FRMD5: variants seen among roughly 807,000 people sequenced by gnomAD.
The protein encoded by FRMD5 is FERM domain containing 5.
FRMD5 carries 20 observed loss-of-function variants against 69.0 expected under a neutral mutation model. The ratio of observed to expected loss-of-function variants is 0.29; its 90% CI spans 0.20 to 0.42. FRMD5 has a LOEUF of 0.42. Ranked by LOEUF, FRMD5 falls within the 10% of genes least tolerant of loss-of-function variation. The pLI, the probability that FRMD5 is intolerant of heterozygous loss-of-function variation, is 1.00. For synonymous variants in FRMD5, 271 were observed against 260.1 expected (o/e 1.04, Z -0.40); for missense variants, 595 against 708.6 (o/e 0.84, Z 1.82).
intron 5 of FRMD5, 43 bp downstream of exon 5, chr15:43,909,839 T>C: frequency 8.7e-7 from 1 of 1,154,116 alleles, no homozygotes; most frequent in Non-Finnish European, 1.3e-6. Flanking sequence ...ATGTAATCAG[T>C]ACTTGGCATG....
At chr15:43,880,872 T>C (rs376950030) in intron 13 of FRMD5, among the ~76,000 whole-genome samples, 3 of 152,186 alleles carry the variant, frequency 2.0e-5, no homozygotes, top group Non-Finnish European at 4.4e-5. Context: ...GGGGAATAGT[T>C]TGGACAAGGA....
intron 1 of FRMD5, among the ~76,000 whole-genome samples, chr15:44,111,631 C>T (rs2076797272): frequency 6.6e-6 from 1 of 152,134 alleles, no homozygotes; most frequent in Non-Finnish European, 1.5e-5. Flanking sequence ...TCTTAATCAC[C>T]CAATCGGAAC....
intron 1 of FRMD5, among the ~76,000 whole-genome samples, chr15:44,109,483 TG>T (rs199734566): frequency 1.4e-4 from 21 of 152,058 alleles, no homozygotes; most frequent in Non-Finnish European, 2.8e-4. Context: ...TAATAAATTT[TG>T]TTTTTTTTAA....
At position 44,069,347 on chromosome 15, in the gene FRMD5, A is replaced by C. The variant is rs1893435752; in HGVS notation, c.102+125606T>G. 2.6e-5 allele frequency among the ~76,000 whole-genome samples: 4 copies of C among 152,324 alleles called. No homozygotes were observed. In the South Asian group the frequency reaches 8.3e-4, roughly 32 times the overall value. On this transcript the variant is annotated intron_variant, in intron 1 of 13. Coordinates refer to ENST00000417257, the MANE Select transcript of FRMD5 (RefSeq NM_032892.5). ...TAGGCATTTATCCCAAAGAAATGAAAACCTATGCTCACACAAAAACCTTTA... is the reference window on the plus strand; with the variant it reads ...TAGGCATTTATCCCAAAGAAATGAACACCTATGCTCACACAAAAACCTTTA...
intron 1 of FRMD5, among the ~76,000 whole-genome samples, chr15:44,058,593 T>C (rs952120449): frequency 1.3e-5 from 2 of 152,118 alleles, no homozygotes; most frequent in African/African-American, 4.8e-5. Flanking sequence ...GAGACCATCC[T>C]GGCTAACACA....
intron 1 of FRMD5, among the ~76,000 whole-genome samples, chr15:44,047,389 T>C (rs1261640081): frequency 6.6e-6 from 1 of 152,172 alleles, no homozygotes; most frequent in Non-Finnish European, 1.5e-5. Flanking sequence ...GACCAATTAC[T>C]AGGCCAGACA....
intron 1 of FRMD5, among the ~76,000 whole-genome samples, chr15:44,012,550 AC>A (rs1272324490): frequency 1.3e-5 from 2 of 152,186 alleles, no homozygotes; most frequent in African/African-American, 4.8e-5. Flanking sequence ...CTCTTTCAAA[AC>A]CGGTCACTAA....
At chr15:43,942,853 G>A (rs558619040) in intron 1 of FRMD5, among the ~76,000 whole-genome samples, 4 of 152,272 alleles carry the variant, frequency 2.6e-5, no homozygotes, top group African/African-American at 9.6e-5. Flanking sequence ...TCCACCTCCC[G>A]GGCTCAAGAG....
intron 1 of FRMD5, among the ~76,000 whole-genome samples, chr15:43,961,644 A>G (rs1197814334): frequency 2.0e-5 from 3 of 152,242 alleles, no homozygotes; most frequent in African/African-American, 7.2e-5. Context: ...ATATTGATGC[A>G]AAAATCCTCA....
At chr15:44,150,618 C>T (rs2077428859) in intron 1 of FRMD5, among the ~76,000 whole-genome samples, 2 of 147,034 alleles carry the variant, frequency 1.4e-5, no homozygotes, top group African/African-American at 5.0e-5. Context: ...CCTGTCTCTA[C>T]AAAATTCTTT....
chr15:43,887,949 CT>C (rs2088702259), intron 10 of FRMD5, among the ~76,000 whole-genome samples: 2 of 152,246 alleles, frequency 1.3e-5, no homozygotes, highest in Admixed American at 6.5e-5. Flanking sequence ...TTTATAACCA[CT>C]TTCTTAACCG....
At position 44,174,782 on chromosome 15, in the gene FRMD5, A is replaced by G. The variant is rs1304198859; in HGVS notation, c.102+20171T>C. On this transcript the variant is annotated intron_variant, in intron 1 of 13. Transcript: ENST00000417257. Reference sequence around the variant, plus strand: ...GCCCTATTGTATGAATCCATTTCAGACTACAGAATCTTGGGTAAGTCAATT... The same window carrying G: ...GCCCTATTGTATGAATCCATTTCAGGCTACAGAATCTTGGGTAAGTCAATT... Among the ~76,000 whole-genome samples, 4 of 152,190 alleles carry G rather than the reference A, an allele frequency of 2.6e-5. No individual in the cohort carries two copies. The East Asian group carries it at 7.7e-4, about 29-fold the overall frequency.
In FRMD5 at chr15:44,012,224, G is replaced by T. The variant is rs1398098630; in HGVS notation, c.103-87915C>A. Among the ~76,000 whole-genome samples, 3 of 152,188 alleles carry T rather than the reference G, an allele frequency of 2.0e-5. No individual in the cohort carries two copies. The East Asian group carries it at 5.8e-4, about 29-fold the overall frequency. On this transcript the variant is annotated intron_variant, in intron 1 of 13. Coordinates refer to ENST00000417257, the MANE Select transcript of FRMD5 (RefSeq NM_032892.5). ...AAGCAAAGATATCCCAAAGACAAGT[G>T]AAATGGACTGCGGATAGAGAGGGCT...
intron 1 of FRMD5, among the ~76,000 whole-genome samples, chr15:44,094,392 A>G (rs951117797): frequency 2.6e-5 from 4 of 152,132 alleles, no homozygotes; most frequent in Non-Finnish European, 5.9e-5. Flanking sequence ...CAACCTCTAC[A>G]TCCTTATAAT....
intron 1 of FRMD5, among the ~76,000 whole-genome samples, chr15:43,927,609 T>C (rs867781609): frequency 2.0e-5 from 3 of 152,214 alleles, no homozygotes; most frequent in African/African-American, 7.2e-5. Context: ...GCATATCCTA[T>C]ACTATTATCT....
chr15:44,063,445 C>A, intron 1 of FRMD5: 1 of 187,122 alleles, frequency 5.3e-6, no homozygotes, highest in Admixed American at 6.2e-5. Context: ...GAAAATTAGG[C>A]TTTCTGCTCC....
At chr15:44,023,735 T>G (rs945504076) in intron 1 of FRMD5, among the ~76,000 whole-genome samples, 3 of 152,198 alleles carry the variant, frequency 2.0e-5, no homozygotes, top group Admixed American at 6.5e-5. Context: ...ATATAAAATT[T>G]ACAGTATTTG....
At chr15:43,983,616 A>C (rs188195506) in intron 1 of FRMD5, among the ~76,000 whole-genome samples, 1 of 152,334 alleles carries the variant, frequency 6.6e-6, no homozygotes, top group Admixed American at 6.5e-5. Context: ...TACAGCCAAA[A>C]CCACATTTAC....
At chr15:44,009,008 A>G (rs1012319904) in intron 1 of FRMD5, among the ~76,000 whole-genome samples, 4 of 152,210 alleles carry the variant, frequency 2.6e-5, no homozygotes, top group Admixed American at 6.5e-5. Context: ...CCTGGGTGAC[A>G]GAGGAGACTC....
Sources: allele counts gnomAD v4.1 joint callset (sites outside exome capture counted in the v4.1 genomes callset), GRCh38; gene constraint gnomAD v4.1.1; transcripts MANE v1.5; gene names NCBI Gene and HGNC (gene_info 2026-07-23, HGNC 2026-07-21).